Variants in ELMO1 observed in about 807,000 individuals in gnomAD.
ELMO1 encodes the protein engulfment and cell motility 1.
In ELMO1, 26 loss-of-function variants were observed where a neutral mutation model predicts 98.9. That is an observed-to-expected ratio of 0.26 (90% CI 0.19 to 0.36). ELMO1 has a LOEUF of 0.36. Ranked by LOEUF, ELMO1 falls within the 10% of genes least tolerant of loss-of-function variation. The probability of loss-of-function intolerance (pLI) is 1.00; values close to 1 mark genes in which losing one functional copy is unlikely to be tolerated. For synonymous variants in ELMO1, 346 were observed against 346.0 expected (o/e 1.00, Z 0.00); for missense variants, 627 against 935.2 (o/e 0.67, Z 4.30).
intron 1 of ELMO1, among the ~76,000 whole-genome samples, chr7:37,444,190 C>T (rs1805520960): frequency 6.6e-6 from 1 of 152,216 alleles, no homozygotes; most frequent in Admixed American, 6.5e-5. Flanking sequence ...TTCACCTAAT[C>T]ATGCATCCCA....
chr7:36,903,735 C>A (rs189315905), intron 16 of ELMO1, among the ~76,000 whole-genome samples: 2 of 152,118 alleles, frequency 1.3e-5, no homozygotes, highest in Non-Finnish European at 2.9e-5. Flanking sequence ...GCAGTTCCAG[C>A]GAAAAGGGAG....
chr7:37,375,941 A>G, intron 1 of ELMO1: 1 of 624,560 alleles, frequency 1.6e-6, no homozygotes, highest in Non-Finnish European at 2.9e-6. Context: ...GCCAACAAGA[A>G]AGTAGAGGCT....
intron 13 of ELMO1, among the ~76,000 whole-genome samples, chr7:37,165,145 A>T (rs1199642661): frequency 6.7e-6 from 1 of 150,316 alleles, no homozygotes. Flanking sequence ...TTCGTCTGTT[A>T]TTGGTATACA....
At chr7:37,389,098 T>C (rs1212531977) in intron 1 of ELMO1, among the ~76,000 whole-genome samples, 1 of 152,186 alleles carries the variant, frequency 6.6e-6, no homozygotes, top group Admixed American at 6.5e-5. Context: ...AAACTTTAAT[T>C]CAAGGAAAGA....
intron 15 of ELMO1, among the ~76,000 whole-genome samples, chr7:37,025,865 C>A (rs1427910106): frequency 6.7e-6 from 1 of 149,540 alleles, no homozygotes; most frequent in Non-Finnish European, 1.5e-5. Context: ...TATAAGGATT[C>A]TCTGTCTCTC....
intron 13 of ELMO1, among the ~76,000 whole-genome samples, chr7:37,163,343 T>TTG (rs1554430067): frequency 6.7e-6 from 1 of 149,848 alleles, no homozygotes; most frequent in South Asian, 2.1e-4. Flanking sequence ...TGTTCTTTTT[T>TTG]TTTTTTTTTA....
intron 1 of ELMO1, among the ~76,000 whole-genome samples, chr7:37,420,939 GA>G (rs1398253001): frequency 6.6e-6 from 1 of 152,118 alleles, no homozygotes; most frequent in Non-Finnish European, 1.5e-5. Context: ...CAAGCAAACT[GA>G]TTTACACCAA....
chr7:37,077,285 G>A (rs963560397), intron 15 of ELMO1, among the ~76,000 whole-genome samples: 1 of 152,240 alleles, frequency 6.6e-6, no homozygotes, highest in Non-Finnish European at 1.5e-5. Flanking sequence ...TCAGGGAGCT[G>A]TGCCCTCAGG....
chr7:37,168,924 C>G (rs1463791125), intron 13 of ELMO1, among the ~76,000 whole-genome samples: 1 of 152,194 alleles, frequency 6.6e-6, no homozygotes, highest in South Asian at 2.1e-4. Flanking sequence ...TTTTGTTTGT[C>G]TGTGCCCTGT....
intron 16 of ELMO1, among the ~76,000 whole-genome samples, chr7:36,963,238 C>T (rs757577619): frequency 2.0e-5 from 3 of 152,012 alleles, no homozygotes; most frequent in Non-Finnish European, 4.4e-5. Flanking sequence ...ATTAGCTGGG[C>T]GTGGTGCCGT....
intron 4 of ELMO1, among the ~76,000 whole-genome samples, chr7:37,276,264 T>TAGGAAGAGAG (rs1233969380): frequency 6.6e-6 from 1 of 151,736 alleles, no homozygotes; most frequent in South Asian, 2.1e-4. Flanking sequence ...AGAAATGAGA[T>TAGGAAGAGAG]AGGAAGAGAG....
chr7:37,367,485 G>C (rs142926105), intron 1 of ELMO1, among the ~76,000 whole-genome samples: 1 of 152,288 alleles, frequency 6.6e-6, no homozygotes, highest in East Asian at 1.9e-4. Flanking sequence ...AGGAAGAAAA[G>C]GATCAGAATG....
intron 7 of ELMO1, 50 bp from the exon 8 acceptor site, chr7:37,233,244 A>C: frequency 6.6e-7 from 1 of 1,515,086 alleles, no homozygotes; most frequent in Non-Finnish European, 9.0e-7. Flanking sequence ...AGCTGAGCAA[A>C]GACACAGAAG....
intron 13 of ELMO1, among the ~76,000 whole-genome samples, chr7:37,162,695 A>T (rs1411477635): frequency 6.6e-6 from 1 of 152,244 alleles, no homozygotes; most frequent in Non-Finnish European, 1.5e-5. Context: ...TACTCAACTC[A>T]ATAATGAAGA....
At chr7:37,050,288 G>C (rs1796030671) in intron 15 of ELMO1, among the ~76,000 whole-genome samples, 1 of 152,036 alleles carries the variant, frequency 6.6e-6, no homozygotes, top group South Asian at 2.1e-4. Flanking sequence ...TTTCCAGGCT[G>C]ATCTTGAACT....
intron 14 of ELMO1, among the ~76,000 whole-genome samples, chr7:37,107,903 T>C (rs904890718): frequency 6.6e-6 from 1 of 152,214 alleles, no homozygotes; most frequent in African/African-American, 2.4e-5. Context: ...AAATTCACTC[T>C]GGTTTGGGAG....
At chr7:37,447,551 C>T (rs1305621245) in intron 1 of ELMO1, among the ~76,000 whole-genome samples, 4 of 151,884 alleles carry the variant, frequency 2.6e-5, no homozygotes, top group Non-Finnish European at 1.5e-5. Flanking sequence ...TTCAAATGGC[C>T]CCCTAGGCGG....
intron 16 of ELMO1, among the ~76,000 whole-genome samples, chr7:36,921,131 G>T (rs562804066): frequency 6.6e-6 from 1 of 152,276 alleles, no homozygotes; most frequent in South Asian, 2.1e-4. Flanking sequence ...ACATTTGCTG[G>T]TGCCTTGATT....
At chr7:37,044,675 T>C (rs1795703853) in intron 15 of ELMO1, among the ~76,000 whole-genome samples, 1 of 152,226 alleles carries the variant, frequency 6.6e-6, no homozygotes, top group Non-Finnish European at 1.5e-5. Context: ...GTTCTCACTC[T>C]CTGGGTGATG....
Sources: gnomAD v4.1 joint callset for allele counts (sites outside exome capture counted in the v4.1 genomes callset) on GRCh38, gnomAD v4.1.1 for gene constraint, MANE v1.5 for transcripts, NCBI Gene and HGNC (gene_info 2026-07-23, HGNC 2026-07-21) for gene names.